HIBCH: variants seen among roughly 807,000 people sequenced by gnomAD.
The protein encoded by HIBCH is 3-hydroxyisobutyryl-CoA hydrolase, also known as 3-hydroxyisobutyryl-CoA hydrolase, mitochondrial.
A neutral mutation model predicts 58.2 loss-of-function variants in HIBCH; 50 were observed. The ratio of observed to expected loss-of-function variants is 0.86; its 90% CI spans 0.68 to 1.09. The LOEUF is 1.09. HIBCH is among the 50% of genes least tolerant of loss of function. The probability of loss-of-function intolerance (pLI) is 0.00; values close to 1 mark genes in which losing one functional copy is unlikely to be tolerated. For missense variants in HIBCH, 450 were observed against 449.7 expected (o/e 1.00, Z -0.01); for synonymous variants, 151 against 146.9 (o/e 1.03, Z -0.20).
At chr2:190,275,729 T>G (rs562502487) in intron 6 of HIBCH, among the ~76,000 whole-genome samples, 1 of 152,252 alleles carries the variant, frequency 6.6e-6, no homozygotes, top group Non-Finnish European at 1.5e-5. Flanking sequence ...ATGTTCAAGA[T>G]GCCCACAGTG....
At chr2:190,238,332 T>C (rs1394600858) in intron 11 of HIBCH, among the ~76,000 whole-genome samples, 1 of 152,232 alleles carries the variant, frequency 6.6e-6, no homozygotes, top group East Asian at 1.9e-4. Flanking sequence ...TGCCAGTATC[T>C]GTTGTTTCCA....
intron 11 of HIBCH, among the ~76,000 whole-genome samples, chr2:190,231,681 A>G (rs866319535): frequency 1.3e-5 from 2 of 152,062 alleles, no homozygotes; most frequent in East Asian, 3.8e-4. Flanking sequence ...GCTAGCCAGT[A>G]TAGGAAGCTG....
At position 190,204,657 on chromosome 2, in the gene HIBCH, T is replaced by C. The variant is rs181536793; in HGVS notation, c.*460A>G. The C allele has an allele frequency of 1.3e-4, 21 of 167,628 alleles. No homozygotes were observed. Among genetic ancestry groups the C allele is most frequent in the African/African-American group, 4.8e-4 (20 of 41,660 alleles). 10.4% of individuals were successfully genotyped at this position (167,628 alleles called of 1,614,324 possible). Reference sequence around the variant, plus strand: ...TATCCAAAACAATTTTCAGGGTCTTTATTTTTTATATTGTATACCTAAGTT... The same window carrying C: ...TATCCAAAACAATTTTCAGGGTCTTCATTTTTTATATTGTATACCTAAGTT... On this transcript the variant is annotated 3_prime_UTR_variant, in exon 14 of 14. Transcript: ENST00000359678.
chr2:190,318,816 A>G (rs1256230820), intron 1 of HIBCH, among the ~76,000 whole-genome samples: 1 of 152,206 alleles, frequency 6.6e-6, no homozygotes, highest in Non-Finnish European at 1.5e-5. Flanking sequence ...TAAGGTATTA[A>G]AAAAACAAAC....
chr2:190,307,152 A>G (rs1688434918), intron 2 of HIBCH, among the ~76,000 whole-genome samples: 1 of 152,234 alleles, frequency 6.6e-6, no homozygotes, highest in Non-Finnish European at 1.5e-5. Flanking sequence ...TATAGGATTA[A>G]AAGGACTATT....
rs577042852 is a variant in HIBCH at position 190,241,073 on chromosome 2, T to C, written c.891+3814A>G. On this transcript the variant is annotated intron_variant, in intron 11 of 13. Coordinates refer to ENST00000359678, the MANE Select transcript of HIBCH (RefSeq NM_014362.4). The stretch of plus-strand genomic sequence containing the variant: ...TTAATCTAACATTGAAAGTAGGGTG[T>C]TCAAAGTCTCTCACTATTATTGTGT... Among the ~76,000 whole-genome samples the C allele has an allele frequency of 1.2e-4, 19 of 152,332 alleles. No individual in the cohort carries two copies. The South Asian group carries it at 3.7e-3, about 30-fold the overall frequency.
intron 6 of HIBCH, among the ~76,000 whole-genome samples, chr2:190,276,192 G>C (rs939621985): frequency 1.3e-5 from 2 of 152,130 alleles, no homozygotes; most frequent in African/African-American, 4.8e-5. Flanking sequence ...TGACTTTCTG[G>C]AACACCAAAG....
At chr2:190,261,066 C>CCAT (rs1297660351) in intron 7 of HIBCH, 90 bp downstream of exon 7, 1 of 914,216 alleles carries the variant, frequency 1.1e-6, no homozygotes, top group Non-Finnish European at 1.8e-6. Context: ...ACACAAGAGT[C>CCAT]CATCAATTCC....
intron 6 of HIBCH, among the ~76,000 whole-genome samples, chr2:190,264,897 C>T (rs945511771): frequency 2.0e-5 from 3 of 151,782 alleles, no homozygotes; most frequent in South Asian, 2.1e-4. Flanking sequence ...CCGAGGTGGG[C>T]GGGTCACCTG....
At chr2:190,219,697 A>T (rs1358566932) in intron 11 of HIBCH, among the ~76,000 whole-genome samples, 1 of 152,178 alleles carries the variant, frequency 6.6e-6, no homozygotes, top group Non-Finnish European at 1.5e-5. Context: ...TGGGACCTAC[A>T]ATACTCAGCC....
intron 7 of HIBCH, among the ~76,000 whole-genome samples, chr2:190,257,772 A>T (rs1267328401): frequency 6.6e-6 from 1 of 152,144 alleles, no homozygotes; most frequent in Non-Finnish European, 1.5e-5. Context: ...CAAGGGTGAG[A>T]CAGGACAAGA....
At chr2:190,196,372 A>C (rs1483424332) in intron 1 of HIBCH, among the ~76,000 whole-genome samples, 1 of 151,994 alleles carries the variant, frequency 6.6e-6, no homozygotes, top group Non-Finnish European at 1.5e-5. Context: ...CATCTTGTAC[A>C]TTTCAGTTAC....
chr2:190,245,728 G>A (rs566874270), intron 10 of HIBCH, among the ~76,000 whole-genome samples: 3 of 152,130 alleles, frequency 2.0e-5, no homozygotes, highest in South Asian at 2.1e-4. Flanking sequence ...CAGGCATCAC[G>A]CCTGTAATCC....
intron 6 of HIBCH, among the ~76,000 whole-genome samples, chr2:190,261,912 G>A (rs1259822896): frequency 6.6e-6 from 1 of 152,122 alleles, no homozygotes; most frequent in African/African-American, 2.4e-5. Context: ...CTTTCCCCAG[G>A]AGGGGCTGAA....
chr2:190,301,558 A>G (rs1286237914), intron 2 of HIBCH, among the ~76,000 whole-genome samples: 1 of 152,208 alleles, frequency 6.6e-6, no homozygotes, highest in Non-Finnish European at 1.5e-5. Flanking sequence ...ACTCCTCTGC[A>G]TGTATTGGGG....
At chr2:190,208,276 T>C (rs539925663) in intron 13 of HIBCH, among the ~76,000 whole-genome samples, 1 of 152,206 alleles carries the variant, frequency 6.6e-6, no homozygotes, top group African/African-American at 2.4e-5. Flanking sequence ...CTGGTCAATT[T>C]TGCCAGGCCA....
At chr2:190,267,282 G>A (rs953301812) in intron 6 of HIBCH, among the ~76,000 whole-genome samples, 7 of 151,932 alleles carry the variant, frequency 4.6e-5, no homozygotes, top group African/African-American at 1.7e-4. Context: ...TTGGCTCATT[G>A]CAACTTCTGT....
chr2:190,318,536 G>C (rs1035220418), intron 1 of HIBCH, among the ~76,000 whole-genome samples: 1 of 152,130 alleles, frequency 6.6e-6, no homozygotes, highest in East Asian at 1.9e-4. Flanking sequence ...GTCTGGAAAA[G>C]GCATCTCAGA....
chr2:190,305,470 A>C lies in HIBCH; in HGVS notation c.78+5284T>G, dbSNP rs145464790. On this transcript the variant is annotated intron_variant, in intron 2 of 13. Coordinates refer to ENST00000359678, the MANE Select transcript of HIBCH (RefSeq NM_014362.4). The stretch of plus-strand genomic sequence containing the variant: ...CACGTGACATTATCCTGTGTACATG[A>C]CTATCTGCAAATTTCCCTTTTATAA... Among the ~76,000 whole-genome samples the C allele has an allele frequency of 2.2e-4, 34 of 152,214 alleles. 1 individual carries two copies. In the East Asian group the frequency reaches 6.6e-3, roughly 29 times the overall value.
Sources: gnomAD v4.1 joint callset for allele counts (sites outside exome capture counted in the v4.1 genomes callset) on GRCh38, gnomAD v4.1.1 for gene constraint, MANE v1.5 for transcripts, NCBI Gene and HGNC (gene_info 2026-07-23, HGNC 2026-07-21) for gene names.